The following RNF149 variants were observed in gnomAD, a reference collection of about 807,000 sequenced individuals.
The protein encoded by RNF149 is ring finger protein 149.
A neutral mutation model predicts 39.0 loss-of-function variants in RNF149; 21 were observed. The observed-to-expected ratio is 0.54, with a 90% CI of 0.38 to 0.77. The LOEUF (loss-of-function observed/expected upper bound fraction) is 0.77. RNF149 is among the 30% of genes least tolerant of loss of function. The probability of loss-of-function intolerance (pLI) is 0.00; values close to 1 mark genes in which losing one functional copy is unlikely to be tolerated. For synonymous variants in RNF149, 209 were observed against 213.6 expected (o/e 0.98, Z 0.19); for missense variants, 493 against 534.9 (o/e 0.92, Z 0.77).
intron 3 of RNF149, among the ~76,000 whole-genome samples, chr2:101,289,672 T>G (rs1160216505): frequency 7.0e-6 from 1 of 141,944 alleles, no homozygotes; most frequent in Non-Finnish European, 1.5e-5. Context: ...ACCACTGCAC[T>G]CCAGCCTGGG....
downstream of RNF149, among the ~76,000 whole-genome samples, chr2:101,274,966 T>C (rs1445300015): frequency 6.6e-6 from 1 of 151,472 alleles, no homozygotes; most frequent in Non-Finnish European, 1.5e-5. Context: ...TTGTATTTTT[T>C]TTTTTTTAAG....
At chr2:101,285,566 G>A (rs904144436) in intron 5 of RNF149, among the ~76,000 whole-genome samples, 3 of 152,046 alleles carry the variant, frequency 2.0e-5, no homozygotes, top group African/African-American at 4.8e-5. Flanking sequence ...TTTTCATTTC[G>A]CCCCCGTGTC....
At chr2:101,277,482 G>A (rs968312780) in intron 6 of RNF149, among the ~76,000 whole-genome samples, 5 of 149,916 alleles carry the variant, frequency 3.3e-5, no homozygotes, top group Non-Finnish European at 6.0e-5. Context: ...TCCACCTCCC[G>A]GGTTCAAGCG....
At chr2:101,306,335 G>A (rs1683658684) in intron 1 of RNF149, among the ~76,000 whole-genome samples, 1 of 152,150 alleles carries the variant, frequency 6.6e-6, no homozygotes. Context: ...AACTACTAAA[G>A]CAGGGAACAC....
At chr2:101,278,472 T>C (rs1452350593) in intron 6 of RNF149, among the ~76,000 whole-genome samples, 3 of 152,208 alleles carry the variant, frequency 2.0e-5, no homozygotes, top group Non-Finnish European at 4.4e-5. Flanking sequence ...TGAAATAACA[T>C]AAGTAATCTC....
intron 5 of RNF149, among the ~76,000 whole-genome samples, chr2:101,283,833 T>A (rs1172548680): frequency 6.6e-6 from 1 of 152,186 alleles, no homozygotes; most frequent in Non-Finnish European, 1.5e-5. Context: ...TTAAAGTCCC[T>A]CTGCTATGGT....
In RNF149 at chr2:101,295,969, C is replaced by T. The variant is rs535365417; in HGVS notation, c.461-788G>A. On this transcript the variant is annotated intron_variant, in intron 1 of 6. Coordinates refer to ENST00000295317, the MANE Select transcript of RNF149 (RefSeq NM_173647.4). ...GGAGTTGGAGACCAGCCTGTGTAAG[C>T]GAGACCTTGTCTCTACAAATAATTT... Among the ~76,000 whole-genome samples, 86 of 151,896 alleles carry T rather than the reference C, an allele frequency of 5.7e-4. 1 individual carries two copies. The South Asian group carries it at 0.017, about 29-fold the overall frequency.
At chr2:101,307,862 T>A (rs1402706452) in intron 1 of RNF149, 1 of 985,418 alleles carries the variant, frequency 1.0e-6, no homozygotes, top group Non-Finnish European at 1.2e-6. Context: ...ACAAGCCTCC[T>A]TCTGTGGATT....
chr2:101,283,087 C>A (rs1402190085), intron 5 of RNF149, among the ~76,000 whole-genome samples: 1 of 152,212 alleles, frequency 6.6e-6, no homozygotes, highest in Non-Finnish European at 1.5e-5. Flanking sequence ...TTAGCCTCAA[C>A]ACTTTGGTGT....
chr2:101,286,201 A>T, intron 4 of RNF149, 24 bp from the exon 5 acceptor site: 9 of 1,344,596 alleles, frequency 6.7e-6, no homozygotes, highest in Non-Finnish European at 9.6e-6. Flanking sequence ...GTATGTGTTA[A>T]TGTTTTTAAA....
downstream of RNF149, chr2:101,271,385 G>GT (rs1447459070): frequency 6.6e-6 from 1 of 152,204 alleles, no homozygotes; most frequent in African/African-American, 2.4e-5. Context: ...GCTCACGCCT[G>GT]TAATCCCAGC....
chr2:101,296,069 G>A (rs1052909715), intron 1 of RNF149, among the ~76,000 whole-genome samples: 1 of 152,180 alleles, frequency 6.6e-6, no homozygotes, highest in Non-Finnish European at 1.5e-5. Context: ...AGTGAGCTGA[G>A]ATCATGCTAC....
intron 2 of RNF149, 49 bp from the exon 3 acceptor site, chr2:101,294,131 C>G (rs1350259266): frequency 9.7e-7 from 1 of 1,028,730 alleles, no homozygotes; most frequent in Non-Finnish European, 1.5e-6. Flanking sequence ...TAAATTAAAT[C>G]ACTATTTTTC....
rs775297848 is a variant in RNF149 at position 101,289,072 on chromosome 2, A to G, written c.781-17T>C. On this transcript the variant is annotated splice_polypyrimidine_tract_variant and intron_variant, in intron 3 of 6. Transcript: ENST00000295317. The stretch of plus-strand genomic sequence containing the variant: ...ATCAATTCCCTGTAAAAAGAAAAGG[A>G]AAGTGTTACTACATTCTTGGTACAC... The G allele has an allele frequency of 6.2e-6, 9 of 1,448,076 alleles. No homozygotes were observed. The highest frequency in any genetic ancestry group is 1.4e-5 in the African/African-American group (1 of 71,678). The allele number at this position is 1,448,076 out of a possible 1,614,324, so 89.7% of individuals were successfully genotyped here.
rs923277343 is a variant in RNF149, at chr2:101,281,773, C to T, written c.1159+86G>A. 2.0e-6 allele frequency: 3 copies of T among 1,529,210 alleles called. No individual in the cohort carries two copies. The Admixed American group carries it at 5.1e-5, about 26-fold the overall frequency. The allele number at this position is 1,529,210 out of a possible 1,614,324, so 94.7% of individuals were successfully genotyped here. The stretch of plus-strand genomic sequence containing the variant: ...GCTCAAACTCGAGCAATCCTCCCAC[C>T]TTAAACTCCCAAAGCACTGAGATTA... On this transcript the variant is annotated intron_variant, in intron 6 of 6. Transcript: ENST00000295317.
At chr2:101,283,951 G>GA (rs772563224) in intron 5 of RNF149, among the ~76,000 whole-genome samples, 2 of 152,080 alleles carry the variant, frequency 1.3e-5, no homozygotes, top group Non-Finnish European at 2.9e-5. Flanking sequence ...TCTAATGAAG[G>GA]AAAAGAGTTC....
chr2:101,294,840 ATTATGGTCAAATGTAAC>A, intron 2 of RNF149, 74 bp downstream of exon 2: 1 of 1,083,930 alleles, frequency 9.2e-7, no homozygotes, highest in Non-Finnish European at 1.3e-6. Flanking sequence ...GAAAATCAAG[ATTATGGTCAAATGTAAC>A]TTCTAGGAAT....
At chr2:101,307,024 G>C (rs567151747) in intron 1 of RNF149, among the ~76,000 whole-genome samples, 1 of 152,204 alleles carries the variant, frequency 6.6e-6, no homozygotes, top group African/African-American at 2.4e-5. Flanking sequence ...TTACATAACA[G>C]AGTATGTTCA....
At chr2:101,294,810 A>T in intron 2 of RNF149, 121 bp downstream of exon 2, 1 of 857,148 alleles carries the variant, frequency 1.2e-6, no homozygotes, top group Non-Finnish European at 1.8e-6. Flanking sequence ...AGTCATGTTG[A>T]ATACTTAAAT....
Sources: gnomAD v4.1 joint callset for allele counts (sites outside exome capture counted in the v4.1 genomes callset) on GRCh38, gnomAD v4.1.1 for gene constraint, MANE v1.5 for transcripts, NCBI Gene and HGNC (gene_info 2026-07-23, HGNC 2026-07-21) for gene names.